The following GALNTL6 variants were observed in gnomAD, a reference collection of about 807,000 sequenced individuals.
The protein encoded by GALNTL6 is polypeptide N-acetylgalactosaminyltransferase like 6.
Under a neutral mutation model 73.7 loss-of-function variants are expected in GALNTL6, and 46 were observed. That is an observed-to-expected ratio of 0.62 (90% CI 0.49 to 0.80). The LOEUF is 0.80. Ranked by LOEUF, GALNTL6 falls within the 30% of genes least tolerant of loss-of-function variation. The pLI is 0.00. For synonymous variants in GALNTL6, 259 were observed against 263.7 expected, an observed-to-expected ratio of 0.98 and a Z score of 0.17; for missense variants, 604 against 755.0, an observed-to-expected ratio of 0.80 and a Z score of 2.34.
intron 5 of GALNTL6, among the ~76,000 whole-genome samples, chr4:172,540,852 T>G (rs985628851): frequency 1.3e-5 from 2 of 152,190 alleles, no homozygotes; most frequent in African/African-American, 4.8e-5. Flanking sequence ...AGATGAAGCC[T>G]CATAGGAAGC....
chr4:171,885,779 TGA>T (rs1251609117), intron 2 of GALNTL6, among the ~76,000 whole-genome samples: 64 of 152,316 alleles, frequency 4.2e-4, no homozygotes, highest in Middle Eastern at 3.4e-3. Flanking sequence ...CACTCCAGCC[TGA>T]GTCACAGTAT....
intron 5 of GALNTL6, among the ~76,000 whole-genome samples, chr4:172,671,651 T>C (rs1358947578): frequency 6.6e-6 from 1 of 152,172 alleles, no homozygotes; most frequent in African/African-American, 2.4e-5. Flanking sequence ...ATGCACTTAT[T>C]TCTTTCTCCT....
At chr4:172,593,157 C>A (rs1388672669) in intron 5 of GALNTL6, among the ~76,000 whole-genome samples, 1 of 152,118 alleles carries the variant, frequency 6.6e-6, no homozygotes, top group African/African-American at 2.4e-5. Context: ...TTTATAATGG[C>A]CTGCTGGATA....
intron 2 of GALNTL6, among the ~76,000 whole-genome samples, chr4:171,913,393 C>T (rs1399535085): frequency 6.6e-6 from 1 of 152,154 alleles, no homozygotes; most frequent in Non-Finnish European, 1.5e-5. Context: ...GTAGATATGG[C>T]AGTGGGCTGT....
chr4:172,144,069 C>T (rs977054500), intron 2 of GALNTL6, among the ~76,000 whole-genome samples: 5 of 152,110 alleles, frequency 3.3e-5, no homozygotes, highest in Non-Finnish European at 7.4e-5. Flanking sequence ...TTCCTTATGA[C>T]TCTGGGATGG....
rs1192712901 is a variant in GALNTL6 at position 172,940,399 on chromosome 4, G to A, written c.1149+9131G>A. ...TTTTTTTGAAATGGAGTCCCACCCTGTCACCCAGGCTGGAGTGAAGTGGCG... is the reference window on the plus strand; with the variant it reads ...TTTTTTTGAAATGGAGTCCCACCCTATCACCCAGGCTGGAGTGAAGTGGCG... On this transcript the variant is annotated intron_variant, in intron 9 of 12. Coordinates refer to ENST00000506823, the MANE Select transcript of GALNTL6 (RefSeq NM_001034845.3). Among the ~76,000 whole-genome samples the A allele has an allele frequency of 2.6e-5, 4 of 151,646 alleles. No homozygotes were observed. The East Asian group carries it at 7.7e-4, about 29-fold the overall frequency.
intron 2 of GALNTL6, among the ~76,000 whole-genome samples, chr4:172,127,241 C>T (rs1733323532): frequency 6.6e-6 from 1 of 152,318 alleles, no homozygotes. Context: ...GTCAGGCTTT[C>T]CTAGCCTGGC....
intron 5 of GALNTL6, among the ~76,000 whole-genome samples, chr4:172,750,695 A>G (rs1353747927): frequency 1.3e-5 from 2 of 152,226 alleles, no homozygotes. Context: ...GAATCATAAT[A>G]GACATTGTTA....
intron 5 of GALNTL6, among the ~76,000 whole-genome samples, chr4:172,503,610 A>G (rs556530082): frequency 7.0e-4 from 105 of 149,564 alleles, no homozygotes; most frequent in African/African-American, 2.4e-3. Flanking sequence ...ACAATTTAGC[A>G]TGTAAAATTA....
At chr4:172,487,353 TCTTTC>T (rs1478285278) in intron 5 of GALNTL6, among the ~76,000 whole-genome samples, 21 of 136,292 alleles carry the variant, frequency 1.5e-4, no homozygotes, top group Admixed American at 1.5e-3. Context: ...TTTCTTTCTT[TCTTTC>T]CTTCTTTCCT....
intron 5 of GALNTL6, among the ~76,000 whole-genome samples, chr4:172,448,919 T>C (rs1301586484): frequency 2.6e-5 from 4 of 152,190 alleles, no homozygotes; most frequent in Non-Finnish European, 5.9e-5. Flanking sequence ...CTTTACTAAG[T>C]ATATTCACTT....
At chr4:173,013,993 A>ATT (rs1752669600) in intron 11 of GALNTL6, among the ~76,000 whole-genome samples, 1 of 152,170 alleles carries the variant, frequency 6.6e-6, no homozygotes, top group African/African-American at 2.4e-5. Context: ...ATTCAAAAAC[A>ATT]TTCAAAAAAC....
intron 5 of GALNTL6, among the ~76,000 whole-genome samples, chr4:172,407,640 C>T (rs538998048): frequency 2.0e-5 from 3 of 152,074 alleles, no homozygotes; most frequent in Admixed American, 6.6e-5. Context: ...GTCTACACAA[C>T]GAAACAAAAT....
At chr4:172,630,703 C>T (rs1739357535) in intron 5 of GALNTL6, among the ~76,000 whole-genome samples, 1 of 129,218 alleles carries the variant, frequency 7.7e-6, no homozygotes. Flanking sequence ...ATTCCTCCAA[C>T]TCAACATATA....
chr4:171,938,131 A>G (rs1426669031), intron 2 of GALNTL6, among the ~76,000 whole-genome samples: 2 of 152,068 alleles, frequency 1.3e-5, no homozygotes, highest in Non-Finnish European at 2.9e-5. Context: ...AAACTTGCAC[A>G]TTTCTTTTCA....
At chr4:172,710,777 A>G (rs1350232448) in intron 5 of GALNTL6, among the ~76,000 whole-genome samples, 7 of 152,162 alleles carry the variant, frequency 4.6e-5, no homozygotes, top group Admixed American at 2.0e-4. Flanking sequence ...GTAAACTTAT[A>G]TTTTATGAAA....
At chr4:172,160,355 A>C (rs1734417537) in intron 2 of GALNTL6, among the ~76,000 whole-genome samples, 2 of 152,062 alleles carry the variant, frequency 1.3e-5, no homozygotes, top group Admixed American at 1.3e-4. Flanking sequence ...GAAAGAAAAA[A>C]AAAAATAGCA....
chr4:172,081,176 CA>C (rs1464327497), intron 2 of GALNTL6, among the ~76,000 whole-genome samples: 2 of 152,166 alleles, frequency 1.3e-5, no homozygotes, highest in African/African-American at 2.4e-5. Context: ...ACCGAGCCCT[CA>C]AAAGGGCATA....
chr4:172,259,968 T>A (rs1738202527), intron 3 of GALNTL6, among the ~76,000 whole-genome samples: 1 of 151,718 alleles, frequency 6.6e-6, no homozygotes, highest in African/African-American at 2.4e-5. Flanking sequence ...TTAGTCCACT[T>A]GCCTATTTTT....
Sources: allele counts gnomAD v4.1 joint callset (sites outside exome capture counted in the v4.1 genomes callset), GRCh38; gene constraint gnomAD v4.1.1; transcripts MANE v1.5; gene names NCBI Gene and HGNC (gene_info 2026-07-23, HGNC 2026-07-21).